The following SMYD3 variants were observed in gnomAD, a reference collection of about 807,000 sequenced individuals.
SMYD3 encodes SET and MYND domain containing 3.
In SMYD3, 36 loss-of-function variants were observed where a neutral mutation model predicts 57.7. The observed-to-expected ratio is 0.62, with a 90% confidence interval of 0.48 to 0.82. SMYD3 has a LOEUF of 0.82. SMYD3 is among the 40% of genes least tolerant of loss of function. The probability of loss-of-function intolerance (pLI) is 0.00; values close to 1 mark genes in which losing one functional copy is unlikely to be tolerated. For synonymous variants in SMYD3, 211 were observed against 195.0 expected (o/e 1.08, Z -0.68); for missense variants, 515 against 538.8 (o/e 0.96, Z 0.44).
At chr1:245,970,400 G>A (rs1415927553) in intron 5 of SMYD3, among the ~76,000 whole-genome samples, 1 of 152,104 alleles carries the variant, frequency 6.6e-6, no homozygotes, top group Non-Finnish European at 1.5e-5. Flanking sequence ...CATAGGCATG[G>A]GCAAGGACTT....
At chr1:245,955,258 ATTT>A (rs11290230) in intron 5 of SMYD3, among the ~76,000 whole-genome samples, 3 of 152,114 alleles carry the variant, frequency 2.0e-5, no homozygotes, top group Non-Finnish European at 4.4e-5. Flanking sequence ...TACCTGGCTA[ATTT>A]TTTTTTGTAT....
rs148162689 is a variant in SMYD3, at chr1:246,140,493, G to C, written c.531+186708C>G. 1.6e-3 allele frequency among the ~76,000 whole-genome samples: 246 copies of C among 152,338 alleles called. 1 individual carries two copies. The highest frequency in any genetic ancestry group is 5.1e-3 in the African/African-American group (214 of 41,584). ...TACTGCAGCTGTGCAACAGAGAACGGAAGTGTCCACCATCTTCATTGAAGG... is the reference window on the plus strand; with the variant it reads ...TACTGCAGCTGTGCAACAGAGAACGCAAGTGTCCACCATCTTCATTGAAGG... On this transcript the variant is annotated intron_variant, in intron 5 of 11. Coordinates refer to ENST00000490107, the MANE Select transcript of SMYD3 (RefSeq NM_001167740.2).
chr1:246,238,134 G>T (rs2063541053), intron 5 of SMYD3, among the ~76,000 whole-genome samples: 1 of 152,000 alleles, frequency 6.6e-6, no homozygotes, highest in South Asian at 2.1e-4. Context: ...CACGATCTCG[G>T]CTCACTGCAG....
intron 5 of SMYD3, among the ~76,000 whole-genome samples, chr1:246,195,535 G>A (rs75191720): frequency 0.054 from 8,267 of 152,062 alleles, 332 homozygotes; most frequent in African/African-American, 0.11. Flanking sequence ...ACCAGAAATC[G>A]CCCAGGGATT....
At chr1:246,156,490 T>C (rs1037060840) in intron 5 of SMYD3, among the ~76,000 whole-genome samples, 1 of 152,252 alleles carries the variant, frequency 6.6e-6, no homozygotes, top group Non-Finnish European at 1.5e-5. Flanking sequence ...AAATAAGTTC[T>C]ATATCATGGT....
At chr1:245,804,292 C>T (rs2048029840) in intron 10 of SMYD3, among the ~76,000 whole-genome samples, 1 of 152,190 alleles carries the variant, frequency 6.6e-6, no homozygotes, top group African/African-American at 2.4e-5. Flanking sequence ...GATGTTCTCC[C>T]AAATTAATGT....
chr1:246,205,178 G>A (rs940718622), intron 5 of SMYD3, among the ~76,000 whole-genome samples: 3 of 152,192 alleles, frequency 2.0e-5, no homozygotes, highest in East Asian at 1.9e-4. Context: ...GAATTTAGAC[G>A]TAAGAAGACA....
At chr1:245,896,300 T>A (rs1281389632) in intron 8 of SMYD3, among the ~76,000 whole-genome samples, 3 of 145,240 alleles carry the variant, frequency 2.1e-5, no homozygotes, top group Non-Finnish European at 4.5e-5. Context: ...TGCTGTAAGT[T>A]CAAACCTGGA....
intron 5 of SMYD3, among the ~76,000 whole-genome samples, chr1:245,940,714 C>G (rs1417668196): frequency 6.6e-6 from 1 of 152,110 alleles, no homozygotes; most frequent in Non-Finnish European, 1.5e-5. Flanking sequence ...GAGAAAGAAT[C>G]AATGCAAAAA....
chr1:246,057,229 T>G (rs1185957590), intron 5 of SMYD3, among the ~76,000 whole-genome samples: 1 of 152,202 alleles, frequency 6.6e-6, no homozygotes, highest in African/African-American at 2.4e-5. Context: ...CATACGAAAT[T>G]CTCAATAAAT....
chr1:246,288,214 C>G (rs933396896), intron 5 of SMYD3, among the ~76,000 whole-genome samples: 12 of 152,018 alleles, frequency 7.9e-5, no homozygotes, highest in African/African-American at 2.9e-4. Context: ...GCTGGAATTA[C>G]AGGTGTGTAC....
At chr1:245,983,560 C>T (rs1207791048) in intron 5 of SMYD3, among the ~76,000 whole-genome samples, 1 of 152,208 alleles carries the variant, frequency 6.6e-6, no homozygotes, top group Non-Finnish European at 1.5e-5. Flanking sequence ...TGCTGTTGTT[C>T]ATTTCAAACC....
At chr1:246,396,262 T>C (rs2066670859) in intron 1 of SMYD3, among the ~76,000 whole-genome samples, 2 of 152,248 alleles carry the variant, frequency 1.3e-5, no homozygotes, top group Admixed American at 1.3e-4. Context: ...ATCCTACTGG[T>C]ACATGTCTCC....
chr1:246,158,251 G>A (rs1360730018), intron 5 of SMYD3, among the ~76,000 whole-genome samples: 2 of 152,178 alleles, frequency 1.3e-5, no homozygotes, highest in Non-Finnish European at 2.9e-5. Flanking sequence ...AGCTCCGTTG[G>A]TTTGTAATTG....
Position 246,272,129 on chromosome 1 carries a change from G to A in SMYD3, c.531+55072C>T, listed in dbSNP as rs1361297005. On this transcript the variant is annotated intron_variant, in intron 5 of 11. Transcript: ENST00000490107. ...ATGCAACGGATTTTTGTGTATTCACGTTGTGCCCCAATACTTTGTTTAATT... is the reference window on the plus strand; with the variant it reads ...ATGCAACGGATTTTTGTGTATTCACATTGTGCCCCAATACTTTGTTTAATT... Among the ~76,000 whole-genome samples, 3 of 152,092 alleles carry A rather than the reference G, an allele frequency of 2.0e-5. No individual in the cohort carries two copies. In the South Asian group the frequency reaches 6.2e-4, roughly 31 times the overall value.
intron 5 of SMYD3, among the ~76,000 whole-genome samples, chr1:245,942,324 G>A (rs562722329): frequency 5.6e-4 from 86 of 152,282 alleles, no homozygotes; most frequent in African/African-American, 2.0e-3. Flanking sequence ...AGCAGGCATT[G>A]CAATCCTAGT....
chr1:245,751,987 T>C (rs945052270), intron 11 of SMYD3, among the ~76,000 whole-genome samples: 1 of 152,254 alleles, frequency 6.6e-6, no homozygotes, highest in Admixed American at 6.5e-5. Context: ...ATGGAGCACA[T>C]GCCTCGTGTT....
intron 11 of SMYD3, among the ~76,000 whole-genome samples, chr1:245,762,736 T>G (rs12088988): frequency 0.26 from 39,510 of 152,110 alleles, 5,634 homozygotes; most frequent in East Asian, 0.49. Context: ...AATCTGGCTT[T>G]TAAGAATCCC....
intron 5 of SMYD3, among the ~76,000 whole-genome samples, chr1:246,151,667 G>T (rs889569330): frequency 6.6e-6 from 1 of 152,190 alleles, no homozygotes; most frequent in African/African-American, 2.4e-5. Context: ...AACATCACTT[G>T]ATTAGATGAG....
Sources: allele counts gnomAD v4.1 joint callset (sites outside exome capture counted in the v4.1 genomes callset), GRCh38; gene constraint gnomAD v4.1.1; transcripts MANE v1.5; gene names NCBI Gene and HGNC (gene_info 2026-07-23, HGNC 2026-07-21).